The following CPM variants were observed in gnomAD, a reference collection of about 807,000 sequenced individuals.
CPM encodes the protein renal carboxypeptidase.
A neutral mutation model predicts 46.4 loss-of-function variants in CPM; 35 were observed. The observed-to-expected ratio is 0.75, with a 90% CI of 0.58 to 1.00. The LOEUF is 1.00. Among genes scored for constraint, CPM ranks in the 50% least tolerant of loss-of-function variants. The pLI, the probability that CPM is intolerant of heterozygous loss-of-function variation, is 0.00. For synonymous variants in CPM, 195 were observed against 195.3 expected (o/e 1.00, Z 0.01); for missense variants, 422 against 530.4 (o/e 0.80, Z 2.01).
chr12:68,936,141 C>T (rs1888669289), upstream of CPM, among the ~76,000 whole-genome samples: 1 of 152,166 alleles, frequency 6.6e-6, no homozygotes, highest in Non-Finnish European at 1.5e-5. Context: ...AGGGACAGCA[C>T]TGGCATCACC....
chr12:68,870,213 A>G lies in CPM; in HGVS notation c.616+2T>C. On this transcript the variant is annotated splice_donor_variant, in intron 5 of 8. Transcript: ENST00000551568. LOFTEE classifies it high-confidence loss of function. ...GCCAGAACTGGACCCGCACCTGCTT[A>G]CCTTGAACACCATTATCAAATGGGT... The G allele has an allele frequency of 1.2e-6, 2 of 1,612,634 alleles. No homozygotes were observed. Among genetic ancestry groups the G allele is most frequent in the East Asian group, 4.5e-5 (2 of 44,870 alleles).
At chr12:68,928,564 C>G (rs887379605) in intron 2 of CPM, among the ~76,000 whole-genome samples, 4 of 152,020 alleles carry the variant, frequency 2.6e-5, no homozygotes, top group African/African-American at 7.3e-5. Context: ...TTGCTGAGAT[C>G]GAAATAATGT....
intron 8 of CPM, among the ~76,000 whole-genome samples, 175 bp downstream of exon 8, chr12:68,858,748 A>C (rs1441474393): frequency 1.4e-5 from 2 of 146,954 alleles, no homozygotes; most frequent in Non-Finnish European, 3.0e-5. Context: ...TTTTTTTTTC[A>C]TATAATTTCC....
rs576166349 is a variant in CPM, at chr12:68,863,158, A to T, written c.940+3738T>A. On this transcript the variant is annotated intron_variant, in intron 7 of 8. Coordinates refer to ENST00000551568, the MANE Select transcript of CPM (RefSeq NM_198320.5). ...TGCCTCCTATTTTGGATGTGATAAC[A>T]GATCCACATCTGTGGCTCACAGGCT... is the stretch of plus-strand genomic sequence containing the variant. 2.0e-4 allele frequency among the ~76,000 whole-genome samples: 31 copies of T among 152,344 alleles called. No homozygotes were observed. In the South Asian group the frequency reaches 6.2e-3, roughly 31 times the overall value.
chr12:68,949,874 T>A (rs1442565355), intron 1 of CPM, among the ~76,000 whole-genome samples: 1 of 152,192 alleles, frequency 6.6e-6, no homozygotes, highest in Non-Finnish European at 1.5e-5. Context: ...ATTCACTGTG[T>A]TTGCTCCATT....
intron 3 of CPM, among the ~76,000 whole-genome samples, chr12:68,874,025 C>T (rs144401088): frequency 0.05 from 7,669 of 151,876 alleles, 650 homozygotes; most frequent in African/African-American, 0.18. Flanking sequence ...AGGCTGGTCT[C>T]GAACTCCTGA....
At chr12:68,843,717 G>C (rs895319140) in intron 5 of CPM, 41 of 220,154 alleles carry the variant, frequency 1.9e-4, no homozygotes, top group East Asian at 4.6e-4. Flanking sequence ...CTCTCTCTCT[G>C]TCTGTCTCAA....
intron 7 of CPM, among the ~76,000 whole-genome samples, chr12:68,864,687 T>C (rs1322903190): frequency 6.6e-6 from 1 of 152,114 alleles, no homozygotes; most frequent in Non-Finnish European, 1.5e-5. Context: ...CCCATACCCA[T>C]GTTGATACTG....
At chr12:68,915,641 A>G (rs553626523) in intron 2 of CPM, among the ~76,000 whole-genome samples, 4 of 152,214 alleles carry the variant, frequency 2.6e-5, no homozygotes, top group African/African-American at 4.8e-5. Context: ...TGCTTTTCCC[A>G]TTACGGCAGT....
At chr12:68,848,629 C>G (rs1732962336), downstream of CPM, 1 of 152,136 alleles carries the variant, frequency 6.6e-6, no homozygotes, top group Non-Finnish European at 1.5e-5. Flanking sequence ...TTGCTCCCTA[C>G]AAAAAAGGCC....
At chr12:68,914,405 C>A (rs913314589) in intron 2 of CPM, among the ~76,000 whole-genome samples, 1 of 152,188 alleles carries the variant, frequency 6.6e-6, no homozygotes, top group Non-Finnish European at 1.5e-5. Context: ...GTTCAATAAT[C>A]GGCAGTGGCA....
chr12:68,861,341 C>T (rs1489120771), intron 7 of CPM, among the ~76,000 whole-genome samples: 2 of 152,244 alleles, frequency 1.3e-5, no homozygotes, highest in East Asian at 3.9e-4. Flanking sequence ...TTTTCCAGGG[C>T]TCTGAGCTAG....
intron 2 of CPM, among the ~76,000 whole-genome samples, chr12:68,904,168 C>T (rs1045478297): frequency 2.6e-5 from 4 of 152,200 alleles, no homozygotes; most frequent in Non-Finnish European, 4.4e-5. Context: ...GTGTGAACCA[C>T]CATGCTTGGC....
At chr12:68,870,662 T>A (rs542073442) in intron 4 of CPM, among the ~76,000 whole-genome samples, 12 of 152,364 alleles carry the variant, frequency 7.9e-5, no homozygotes, top group African/African-American at 2.9e-4. Context: ...TATTTGGGAC[T>A]TCTGCTCTTA....
chr12:68,890,646 C>T (rs950960685), intron 2 of CPM, among the ~76,000 whole-genome samples: 20 of 152,264 alleles, frequency 1.3e-4, no homozygotes, highest in Admixed American at 1.3e-3. Context: ...AGTCCCCAGG[C>T]AGTTCTTTCA....
In CPM at chr12:68,947,629, A is replaced by G. The variant is rs555229700; in HGVS notation, c.-3-14789T>C. ...AAAAAAGAAAAGAAAGAATTTTTAT[A>G]TAATGACTAATTTTATTTATTATTA... On this transcript the variant is annotated intron_variant, in intron 1 of 8. Transcript: ENST00000546373. 2.6e-5 allele frequency among the ~76,000 whole-genome samples: 4 copies of G among 151,680 alleles called. No homozygotes were observed. In the South Asian group the frequency reaches 8.3e-4, roughly 32 times the overall value.
chr12:68,957,379 AG>A, intron 1 of CPM: 1 of 237,446 alleles, frequency 4.2e-6, no homozygotes. Context: ...TATTCAGCTA[AG>A]GGGGCACCAT....
At chr12:68,842,421 C>T (rs1883852050) in intron 5 of CPM, 1 of 470,862 alleles carries the variant, frequency 2.1e-6, no homozygotes. Context: ...TCTATATTTA[C>T]ATTTGAAAAT....
intron 2 of CPM, among the ~76,000 whole-genome samples, chr12:68,902,539 G>C (rs1887154257): frequency 6.6e-6 from 1 of 152,158 alleles, no homozygotes; most frequent in South Asian, 2.1e-4. Flanking sequence ...TGGGGTATTA[G>C]GATAGCAGAG....
Sources: gnomAD v4.1 joint callset for allele counts (sites outside exome capture counted in the v4.1 genomes callset) on GRCh38, gnomAD v4.1.1 for gene constraint, MANE v1.5 for transcripts, NCBI Gene and HGNC (gene_info 2026-07-23, HGNC 2026-07-21) for gene names.